Variants in LARP4B observed in about 807,000 individuals in gnomAD.
LARP4B encodes the protein la-related protein 4B.
A neutral mutation model predicts 89.8 loss-of-function variants in LARP4B; 12 were observed. That is an observed-to-expected ratio of 0.13 (90% CI 0.09 to 0.22). The LOEUF (loss-of-function observed/expected upper bound fraction) is 0.22. Ranked by LOEUF, LARP4B falls within the 10% of genes least tolerant of loss-of-function variation. The probability of loss-of-function intolerance (pLI) is 1.00; values close to 1 mark genes in which losing one functional copy is unlikely to be tolerated. For synonymous variants in LARP4B, 367 were observed against 363.3 expected (o/e 1.01, Z -0.12); for missense variants, 757 against 947.7 (o/e 0.80, Z 2.64).
Position 851,708 on chromosome 10 carries a change from G to A in LARP4B, c.431-6653C>T, listed in dbSNP as rs1834059714. 2.0e-5 allele frequency among the ~76,000 whole-genome samples: 3 copies of A among 152,228 alleles called. No homozygotes were observed. The South Asian group carries it at 6.2e-4, about 32-fold the overall frequency. On this transcript the variant is annotated intron_variant, in intron 5 of 17. Coordinates refer to ENST00000316157, the MANE Select transcript of LARP4B (RefSeq NM_015155.3). ...ACTATATAAACCAAAGCTCCCTCAA[G>A]AAGAAATAAATGAGTAGCACTATGA...
At chr10:846,448 G>A (rs1833781377) in intron 5 of LARP4B, among the ~76,000 whole-genome samples, 1 of 152,180 alleles carries the variant, frequency 6.6e-6, no homozygotes, top group Non-Finnish European at 1.5e-5. Context: ...GGGCACACAG[G>A]AAGGTGGGAA....
At chr10:818,236 T>A in intron 14 of LARP4B, 1 of 194,646 alleles carries the variant, frequency 5.1e-6, no homozygotes. Flanking sequence ...GCCCACCAGA[T>A]GGAAAGCAGG....
At chr10:842,589 T>C (rs866256029) in intron 7 of LARP4B, among the ~76,000 whole-genome samples, 3 of 152,234 alleles carry the variant, frequency 2.0e-5, no homozygotes, top group African/African-American at 7.2e-5. Context: ...GTGGTAAAAC[T>C]GTAACTAAAG....
Position 829,490 on chromosome 10 carries a change from C to T in LARP4B, c.1020G>A (p.Ser340=), listed in dbSNP as rs757728745. Residue 340 remains serine (S), a synonymous_variant, in exon 11 of 18, where the codon TCG becomes TCA. Transcript: ENST00000316157. ...SLYAQQRYAT[S]FYFPPMYSPQ... The stretch of plus-strand genomic sequence containing the variant: ...GGCTGTACATGGGAGGGAAGTAGAA[C>T]GACGTCGCGTAGCGCTGCTGGGCAT... 9.3e-6 allele frequency: 15 copies of T among 1,613,968 alleles called. No homozygotes were observed. Among genetic ancestry groups the T allele is most frequent in the Admixed American group, 1.7e-5 (1 of 59,992 alleles).
At chr10:867,299 T>A (rs938327035) in intron 3 of LARP4B, among the ~76,000 whole-genome samples, 1 of 152,154 alleles carries the variant, frequency 6.6e-6, no homozygotes, top group African/African-American at 2.4e-5. Flanking sequence ...TCAGAACAAG[T>A]CTTGGAGGTC....
intron 5 of LARP4B, among the ~76,000 whole-genome samples, chr10:849,154 C>A (rs1311442480): frequency 1.3e-5 from 2 of 152,030 alleles, no homozygotes; most frequent in Admixed American, 1.3e-4. Flanking sequence ...AAGAAGGCTG[C>A]TCCAAAGGAA....
chr10:908,915 G>A (rs1387325942), intron 1 of LARP4B, among the ~76,000 whole-genome samples: 1 of 152,162 alleles, frequency 6.6e-6, no homozygotes, highest in Non-Finnish European at 1.5e-5. Context: ...TCCTCCTTTG[G>A]GGGACACCTG....
intron 5 of LARP4B, among the ~76,000 whole-genome samples, chr10:857,222 G>C (rs1024003055): frequency 1.3e-5 from 2 of 152,114 alleles, no homozygotes; most frequent in African/African-American, 4.8e-5. Flanking sequence ...GAATTTAAAA[G>C]AACTAGGATA....
At chr10:818,764 G>A (rs1248333820) in intron 14 of LARP4B, 1 of 152,208 alleles carries the variant, frequency 6.6e-6, no homozygotes, top group Non-Finnish European at 1.5e-5. Context: ...ACTATTTTTA[G>A]CTGAAACAAT....
intron 3 of LARP4B, among the ~76,000 whole-genome samples, chr10:865,923 C>T (rs1049389422): frequency 6.6e-6 from 1 of 152,244 alleles, no homozygotes; most frequent in African/African-American, 2.4e-5. Context: ...AGCATAGACA[C>T]ACCAGTTTCT....
chr10:900,436 T>TTTTTC, intron 1 of LARP4B, among the ~76,000 whole-genome samples: 1 of 104,464 alleles, frequency 9.6e-6, no homozygotes, highest in African/African-American at 3.7e-5. Flanking sequence ...TTTTTTTTTT[T>TTTTTC]TTTTTTTTTT....
chr10:874,405 A>G (rs1835373056), intron 3 of LARP4B, among the ~76,000 whole-genome samples: 1 of 152,144 alleles, frequency 6.6e-6, no homozygotes, highest in Non-Finnish European at 1.5e-5. Flanking sequence ...TAGATCTACA[A>G]GCTCTGGTAC....
intron 1 of LARP4B, 98 bp from the exon 2 acceptor site, chr10:885,858 A>G (rs968683506): frequency 3.3e-5 from 19 of 573,230 alleles, no homozygotes; most frequent in African/African-American, 3.2e-4. Flanking sequence ...ACACACGTTT[A>G]TCCCTCTGAA....
At chr10:906,990 TC>T (rs1168940641) in intron 1 of LARP4B, among the ~76,000 whole-genome samples, 1 of 152,204 alleles carries the variant, frequency 6.6e-6, no homozygotes, top group East Asian at 1.9e-4. Context: ...ACTGAAACCT[TC>T]TGACAGGCTG....
the LARP4B span, among the ~76,000 whole-genome samples, chr10:969,803 A>C: frequency 6.6e-6 from 1 of 152,248 alleles, no homozygotes; most frequent in Non-Finnish European, 1.5e-5. Flanking sequence ...CCAAGATTAG[A>C]GGAAGGCTGA....
At chr10:927,807 T>C (rs1837187082) in intron 1 of LARP4B, among the ~76,000 whole-genome samples, 1 of 152,224 alleles carries the variant, frequency 6.6e-6, no homozygotes, top group Non-Finnish European at 1.5e-5. Context: ...TAGAAGAAAT[T>C]ACAAGAATAT....
chr10:910,452 G>A (rs981478061), intron 1 of LARP4B, among the ~76,000 whole-genome samples: 1 of 152,234 alleles, frequency 6.6e-6, no homozygotes, highest in Non-Finnish European at 1.5e-5. Flanking sequence ...GGGAACCAGT[G>A]TGACACTCTC....
the LARP4B span, among the ~76,000 whole-genome samples, chr10:980,943 T>C: frequency 6.6e-6 from 1 of 152,262 alleles, no homozygotes; most frequent in African/African-American, 2.4e-5. Context: ...CCTGTTTAAA[T>C]GTAAGTTCCA....
At chr10:808,802 C>G (rs964292157), downstream of LARP4B, 3 of 151,304 alleles carry the variant, frequency 2.0e-5, no homozygotes, top group African/African-American at 7.3e-5. Flanking sequence ...ACTTTATGAC[C>G]CTGGAGTAGG....
Sources: allele counts gnomAD v4.1 joint callset (sites outside exome capture counted in the v4.1 genomes callset), GRCh38; gene constraint gnomAD v4.1.1; transcripts MANE v1.5; gene names NCBI Gene and HGNC (gene_info 2026-07-23, HGNC 2026-07-21).